Variants in HDAC4 observed in about 807,000 individuals in gnomAD.
HDAC4 encodes histone deacetylase A.
A neutral mutation model predicts 135.1 loss-of-function variants in HDAC4; 16 were observed. The ratio of observed to expected loss-of-function variants is 0.12; its 90% confidence interval spans 0.08 to 0.18. The LOEUF (loss-of-function observed/expected upper bound fraction) is 0.18, where lower values mean the gene tolerates loss of function less well. Among genes scored for constraint, HDAC4 ranks in the 10% least tolerant of loss-of-function variants. The pLI is 1.00. For synonymous variants in HDAC4, 685 were observed against 653.4 expected, an observed-to-expected ratio of 1.05 and a Z score of -0.74; for missense variants, 1,143 against 1,511.8, an observed-to-expected ratio of 0.76 and a Z score of 4.05.
intron 14 of HDAC4, among the ~76,000 whole-genome samples, chr2:239,109,670 T>C (rs2038491127): frequency 6.6e-6 from 1 of 150,870 alleles, no homozygotes. Flanking sequence ...AAACTAGGAC[T>C]CACAATCAGT....
At chr2:239,134,206 C>T in intron 11 of HDAC4, 39 bp downstream of exon 11, 1 of 1,572,466 alleles carries the variant, frequency 6.4e-7, no homozygotes, top group Non-Finnish European at 8.7e-7. Context: ...GCGTGGGCAG[C>T]CTCAGAGCCT....
intron 3 of HDAC4, among the ~76,000 whole-genome samples, chr2:239,218,019 G>A (rs551268411): frequency 6.6e-6 from 1 of 152,176 alleles, no homozygotes; most frequent in African/African-American, 2.4e-5. Flanking sequence ...TTGAGCCTGG[G>A]AGGTAGAGGC....
intron 6 of HDAC4, chr2:239,161,884 C>T (rs888630847): frequency 2.7e-6 from 1 of 368,052 alleles, no homozygotes; most frequent in South Asian, 2.0e-5. Context: ...CTGAGGCTGC[C>T]CCAGGCCACT....
At chr2:239,382,817 C>A (rs1232506141) in intron 1 of HDAC4, among the ~76,000 whole-genome samples, 3 of 152,056 alleles carry the variant, frequency 2.0e-5, no homozygotes, top group Non-Finnish European at 4.4e-5. Flanking sequence ...CTCAGCCATC[C>A]AGGTTCAAGC....
chr2:239,359,124 T>A (rs924157451), intron 1 of HDAC4, among the ~76,000 whole-genome samples: 2 of 152,222 alleles, frequency 1.3e-5, no homozygotes, highest in Non-Finnish European at 2.9e-5. Flanking sequence ...GGTTTTAACA[T>A]GAATTTCTCT....
chr2:239,108,031 C>T lies in HDAC4; in HGVS notation c.2112+19G>A. 2.5e-6 allele frequency: 4 copies of T among 1,610,510 alleles called. No homozygotes were observed. Among genetic ancestry groups the T allele is most frequent in the African/African-American group, 1.3e-5 (1 of 74,992 alleles). ...GGTGCCCAAAGCCGCAGCTGCCCACCTGCCCCGGTCGGCGTTACCTCGCAT... is the reference window on the plus strand; with the variant it reads ...GGTGCCCAAAGCCGCAGCTGCCCACTTGCCCCGGTCGGCGTTACCTCGCAT... On this transcript the variant is annotated intron_variant, in intron 15 of 26. Transcript: ENST00000543185.
chr2:239,223,562 T>C (rs896884551), intron 3 of HDAC4, among the ~76,000 whole-genome samples: 3 of 152,218 alleles, frequency 2.0e-5, no homozygotes, highest in Admixed American at 6.5e-5. Context: ...CAGTAACTAC[T>C]GTGTGATGTC....
At chr2:239,399,768 C>T (rs1004149116) in intron 1 of HDAC4, among the ~76,000 whole-genome samples, 2 of 152,224 alleles carry the variant, frequency 1.3e-5, no homozygotes, top group Non-Finnish European at 2.9e-5. Flanking sequence ...GAACTGCTCT[C>T]AGCAAGCAAT....
At chr2:239,382,443 G>A (rs986826730) in intron 1 of HDAC4, among the ~76,000 whole-genome samples, 3 of 152,222 alleles carry the variant, frequency 2.0e-5, no homozygotes, top group African/African-American at 7.2e-5. Context: ...TACTGGAAAT[G>A]CTTTAATAAA....
chr2:239,357,681 C>T (rs1354645321), intron 1 of HDAC4, among the ~76,000 whole-genome samples: 4 of 150,684 alleles, frequency 2.7e-5, no homozygotes, highest in South Asian at 2.1e-4. Context: ...CTCAGGAGTT[C>T]GAGAGCAGCC....
intron 15 of HDAC4, among the ~76,000 whole-genome samples, chr2:239,106,176 CGAGGGCGGGCGGAGGAGCT>C (rs1023647512): frequency 9.2e-5 from 14 of 152,096 alleles, no homozygotes; most frequent in South Asian, 8.3e-4. Context: ...GCAGAGGAGC[CGAGGGCGGGCGGAGGAGCT>C]GAGGGCGGGC....
intron 2 of HDAC4, among the ~76,000 whole-genome samples, chr2:239,295,306 C>CAAAAAAAAAAAA (rs55990119): frequency 8.8e-4 from 41 of 46,564 alleles, no homozygotes; most frequent in East Asian, 4.8e-3. Context: ...GACTCCGTCT[C>CAAAAAAAAAAAA]AAAAAAAAAA....
chr2:239,273,911 G>C (rs192156082), intron 2 of HDAC4, among the ~76,000 whole-genome samples: 168 of 152,320 alleles, frequency 1.1e-3, no homozygotes, highest in Admixed American at 0.01. Context: ...AACTTTTTGA[G>C]ACAATGGGGA....
At chr2:239,335,470 A>C (rs1224733530) in intron 2 of HDAC4, among the ~76,000 whole-genome samples, 1 of 146,922 alleles carries the variant, frequency 6.8e-6, no homozygotes, top group Non-Finnish European at 1.5e-5. Flanking sequence ...AGATAAAACT[A>C]TTAAATTGGA....
intron 1 of HDAC4, among the ~76,000 whole-genome samples, chr2:239,393,351 T>C (rs997172853): frequency 7.9e-5 from 12 of 152,082 alleles, no homozygotes; most frequent in African/African-American, 2.4e-4. Context: ...GTGCACAAAA[T>C]AGAAAGAACA....
At chr2:239,244,612 G>A (rs2048367747) in intron 2 of HDAC4, among the ~76,000 whole-genome samples, 2 of 152,176 alleles carry the variant, frequency 1.3e-5, no homozygotes, top group African/African-American at 4.8e-5. Context: ...TCAGTGGGCT[G>A]AAATGTCATG....
At chr2:239,394,833 G>A (rs1031186120) in intron 1 of HDAC4, among the ~76,000 whole-genome samples, 2 of 152,072 alleles carry the variant, frequency 1.3e-5, no homozygotes, top group East Asian at 1.9e-4. Flanking sequence ...TTCATTCTTC[G>A]AGCACCTACA....
chr2:239,389,813 T>A (rs1206618148), intron 1 of HDAC4, among the ~76,000 whole-genome samples: 4 of 152,134 alleles, frequency 2.6e-5, no homozygotes, highest in Admixed American at 6.5e-5. Flanking sequence ...GGAGGCCAGT[T>A]CCCCAGCCGG....
chr2:239,060,703 C>G (rs922160903), intron 24 of HDAC4, among the ~76,000 whole-genome samples: 1 of 152,258 alleles, frequency 6.6e-6, no homozygotes, highest in Admixed American at 6.5e-5. Flanking sequence ...TGGGCCATCT[C>G]CCCTCCTGGA....
Sources: allele counts gnomAD v4.1 joint callset (sites outside exome capture counted in the v4.1 genomes callset), GRCh38; gene constraint gnomAD v4.1.1; transcripts MANE v1.5; gene names NCBI Gene and HGNC (gene_info 2026-07-23, HGNC 2026-07-21).